Variants in NAV3 observed in about 807,000 individuals in gnomAD.
NAV3 encodes the protein pore membrane and/or filament interacting like protein 1.
In NAV3, 87 loss-of-function variants were observed where a neutral mutation model predicts 244.7. The ratio of observed to expected loss-of-function variants is 0.36; its 90% confidence interval spans 0.30 to 0.42. The LOEUF (loss-of-function observed/expected upper bound fraction) is 0.42, where lower values mean the gene tolerates loss of function less well. Ranked by LOEUF, NAV3 falls within the 20% of genes least tolerant of loss-of-function variation. The pLI is 1.00. For synonymous variants in NAV3, 1,126 were observed against 1,042.2 expected (o/e 1.08, Z -1.55); for missense variants, 2,663 against 2,893.3 (o/e 0.92, Z 1.83).
chr12:77,946,122 T>TA (rs1565946067), intron 3 of NAV3, among the ~76,000 whole-genome samples: 10 of 144,030 alleles, frequency 6.9e-5, no homozygotes, highest in African/African-American at 2.6e-4. Flanking sequence ...ATATATATAT[T>TA]GTGTAAATAT....
intron 2 of NAV3, among the ~76,000 whole-genome samples, chr12:77,785,575 G>T (rs1434680923): frequency 6.6e-6 from 1 of 152,150 alleles, no homozygotes; most frequent in African/African-American, 2.4e-5. Context: ...CTGTATTAGG[G>T]ATAGGTTCAA....
chr12:77,830,557 A>G (rs1284447605), upstream of NAV3, among the ~76,000 whole-genome samples: 1 of 152,214 alleles, frequency 6.6e-6, no homozygotes, highest in East Asian at 1.9e-4. Context: ...AATGATTACT[A>G]CATATTTAGT....
rs772234299 is a variant in NAV3, at chr12:78,118,217, G to T, written c.2960G>T (p.Gly987Val). 1.9e-6 allele frequency: 3 copies of T among 1,613,856 alleles called. No individual in the cohort carries two copies. Among genetic ancestry groups the T allele is most frequent in the East Asian group, 2.2e-5 (1 of 44,796 alleles). Residue 987 changes from glycine to valine, a missense_variant, in exon 14 of 40, where the codon GGT becomes GTT. By Grantham distance (109) the Gly-to-Val change is moderately radical (BLOSUM62 -3). Around this residue, in one of 6 missense-constraint regions of NAV3, gnomAD observed 1,521 missense variants for 1,497.0 expected, o/e 1.02. Transcript: ENST00000397909. ...GCTTCCCTGTCTGTTTCACAGACAG[G>T]TTCCTGGAGAAGAGGCATGTCTGCC... ...QKASLSVSQT[G>V]SWRRGMSAQG... is the part of the protein sequence containing the mutation.
rs1566123706 is a variant in NAV3 at position 78,095,075 on chromosome 12, A to ATATATATATATATATATG, written c.2637-21697_2637-21696insTATATATATATATATATG. Among the ~76,000 whole-genome samples, 743 of 146,484 alleles carry ATATATATATATATATATG rather than the reference A, an allele frequency of 5.1e-3. 10 individuals are homozygous for ATATATATATATATATATG. The highest frequency in any genetic ancestry group is 8.3e-3 in the Non-Finnish European group (546 of 65,686). The stretch of plus-strand genomic sequence containing the variant: ...TATATATATATATATACACACACAC[A>ATATATATATATATATATG]CACACACACACACATATATATATAC... On this transcript the variant is annotated intron_variant, in intron 12 of 39. Coordinates refer to ENST00000397909, the MANE Select transcript of NAV3 (RefSeq NM_001024383.2).
At chr12:78,114,602 G>A (rs1243756269) in intron 12 of NAV3, among the ~76,000 whole-genome samples, 1 of 151,980 alleles carries the variant, frequency 6.6e-6, no homozygotes, top group Non-Finnish European at 1.5e-5. Flanking sequence ...ACAGCATGAG[G>A]GTAACCATGT....
intron 1 of NAV3, among the ~76,000 whole-genome samples, chr12:77,923,666 TA>T (rs1378957471): frequency 9.9e-5 from 15 of 152,216 alleles, no homozygotes; most frequent in African/African-American, 3.1e-4. Flanking sequence ...TAGTTCATTT[TA>T]ATAATAAAAA....
intron 2 of NAV3, among the ~76,000 whole-genome samples, chr12:77,754,204 T>G (rs147425771): frequency 1.3e-4 from 20 of 152,208 alleles, no homozygotes; most frequent in Admixed American, 7.2e-4. Context: ...TTTGGCCATT[T>G]ACTCTCAGGT....
chr12:77,768,349 T>C (rs1869890150), intron 2 of NAV3, among the ~76,000 whole-genome samples: 1 of 152,210 alleles, frequency 6.6e-6, no homozygotes, highest in African/African-American at 2.4e-5. Flanking sequence ...CAGGAGCCTG[T>C]CTGCCTCCTG....
intron 9 of NAV3, among the ~76,000 whole-genome samples, chr12:78,035,205 A>G (rs770689069): frequency 1.4e-4 from 21 of 152,218 alleles, no homozygotes; most frequent in Non-Finnish European, 2.6e-4. Flanking sequence ...GATTGGCAAT[A>G]GGAGGTAGAA....
At chr12:77,696,045 A>G (rs1297859660) in intron 2 of NAV3, among the ~76,000 whole-genome samples, 1 of 152,144 alleles carries the variant, frequency 6.6e-6, no homozygotes, top group Admixed American at 6.6e-5. Flanking sequence ...AAGAAGAGAG[A>G]ATAAAAAGTA....
At chr12:77,835,463 T>A (rs1874466693) in intron 1 of NAV3, among the ~76,000 whole-genome samples, 1 of 152,176 alleles carries the variant, frequency 6.6e-6, no homozygotes, top group Non-Finnish European at 1.5e-5. Context: ...GTGTCAGAAA[T>A]GTGTGTTCAG....
rs140959934 is a variant in NAV3, at chr12:77,759,689, G to A, written c.73-180630G>A. 1.6e-3 allele frequency among the ~76,000 whole-genome samples: 247 copies of A among 152,240 alleles called. 1 individual carries two copies. The highest frequency in any genetic ancestry group is 5.7e-3 in the African/African-American group (237 of 41,546). On this transcript the variant is annotated intron_variant, in intron 2 of 8. Transcript: ENST00000550042. ...AACAAATATTGACCACCATGGTGTG[G>A]GTAGTCAGCACTCTACTAACAAATG...
At chr12:78,150,431 T>A (rs1375750795) in intron 22 of NAV3, among the ~76,000 whole-genome samples, 2 of 152,048 alleles carry the variant, frequency 1.3e-5, no homozygotes, top group African/African-American at 2.4e-5. Flanking sequence ...ATACTTTCCA[T>A]TTGAAATGTA....
chr12:77,621,669 G>A (rs1871379348), intron 2 of NAV3, among the ~76,000 whole-genome samples: 1 of 151,754 alleles, frequency 6.6e-6, no homozygotes, highest in African/African-American at 2.4e-5. Flanking sequence ...TATTAGAGAC[G>A]GGGTTTCACC....
intron 24 of NAV3, among the ~76,000 whole-genome samples, chr12:78,170,928 A>G (rs910201784): frequency 6.6e-6 from 1 of 151,652 alleles, no homozygotes; most frequent in African/African-American, 2.4e-5. Context: ...TGGGGCTTTT[A>G]TTTAAGGTAT....
rs12300784 is a variant in NAV3, at chr12:77,966,392, G to A, written c.487+91G>A. The A allele has an allele frequency of 1.4e-3, 1,501 of 1,066,710 alleles. 15 individuals are homozygous for A. In the African/African-American group the frequency reaches 0.021, roughly 15 times the overall value. 66.1% of individuals were successfully genotyped at this position (1,066,710 alleles called of 1,614,324 possible). The stretch of plus-strand genomic sequence containing the variant: ...TAAGAAATGTAACATTGGAGTATAC[G>A]TCTCCTTAATATGATAAAGGAAATT... On this transcript the variant is annotated intron_variant, in intron 4 of 39. Transcript: ENST00000397909.
intron 11 of NAV3, chr12:78,052,125 G>T (rs548112913): frequency 6.6e-6 from 1 of 152,070 alleles, no homozygotes. Context: ...TTGTCTTTAC[G>T]CATCTGAGAG....
At chr12:77,966,961 A>AAGATAAAATTTGCCATACTTGAG (rs1381524007) in intron 4 of NAV3, among the ~76,000 whole-genome samples, 23 of 152,198 alleles carry the variant, frequency 1.5e-4, no homozygotes, top group African/African-American at 5.5e-4. Context: ...TGCTACACTT[A>AAGATAAAATTTGCCATACTTGAG]AGATAAAATT....
chr12:77,584,478 T>C (rs1331495561), intron 2 of NAV3, among the ~76,000 whole-genome samples: 13 of 152,116 alleles, frequency 8.5e-5, no homozygotes, highest in Non-Finnish European at 1.5e-4. Flanking sequence ...TTTGGTTAGA[T>C]TAAATGCTTA....
Sources: allele counts gnomAD v4.1 joint callset (sites outside exome capture counted in the v4.1 genomes callset), GRCh38; gene constraint gnomAD v4.1.1; regional missense constraint gnomAD v4.1.1; transcripts MANE v1.5; gene names NCBI Gene and HGNC (gene_info 2026-07-23, HGNC 2026-07-21).